MED13: variants seen among roughly 807,000 people sequenced by gnomAD.
MED13 encodes mediator complex subunit 13.
Under a neutral mutation model 225.2 loss-of-function variants are expected in MED13, and 23 were observed. The ratio of observed to expected loss-of-function variants is 0.10; its 90% CI spans 0.07 to 0.14. The LOEUF (loss-of-function observed/expected upper bound fraction) is 0.14. MED13 is among the 10% of genes least tolerant of loss of function. MED13 has a pLI of 1.00. For missense variants in MED13, 2,197 were observed against 2,594.5 expected (o/e 0.85, Z 3.33); for synonymous variants, 942 against 889.2 (o/e 1.06, Z -1.06).
At position 62,011,100 on chromosome 17, in the gene MED13, A is replaced by C. The variant is rs778557830; in HGVS notation, c.1417T>G (p.Leu473Val). 2 of 1,614,224 alleles carry C rather than the reference A, an allele frequency of 1.2e-6. No individual in the cohort carries two copies. Among genetic ancestry groups the C allele is most frequent in the Non-Finnish European group, 1.7e-6 (2 of 1,180,026 alleles). ...EKSEKPQKRP[L>V]TPFHHRVSVS... ...GACACACGATGGTGAAAAGGAGTCA[A>C]GGGGCGTTTCTGTGGCTTTTCACTC... The change falls in exon 9 of 30, where the codon TTG becomes GTG. Residue 473 changes from leucine (L) to valine (V), a missense_variant. Leu to Val is a conservative substitution (Grantham distance 32, BLOSUM62 1). Around this residue, in one of 12 missense-constraint regions of MED13, gnomAD observed 884 missense variants for 918.5 expected, o/e 0.96. Transcript: ENST00000397786.
At chr17:62,011,288 A>G (rs1459262455) in intron 8 of MED13, 55 bp from the exon 9 acceptor site, 17 of 1,460,748 alleles carry the variant, frequency 1.2e-5, no homozygotes, top group African/African-American at 2.8e-5. Flanking sequence ...ATGGCGAAGT[A>G]TAATACCAGT....
At chr17:62,013,420 A>G (rs1244028998) in intron 8 of MED13, among the ~76,000 whole-genome samples, 2 of 152,148 alleles carry the variant, frequency 1.3e-5, no homozygotes, top group Non-Finnish European at 2.9e-5. Flanking sequence ...TAACAGAATA[A>G]AAGAAAACCA....
chr17:62,033,427 T>C (rs1208118908), intron 5 of MED13, among the ~76,000 whole-genome samples: 1 of 152,248 alleles, frequency 6.6e-6, no homozygotes, highest in African/African-American at 2.4e-5. Context: ...TGACTTTGGC[T>C]TGGCCATTTA....
At position 61,943,947 on chromosome 17, in the gene MED13, A is replaced by G. The variant is rs1407998126; in HGVS notation, c.*2521T>C. The G allele has an allele frequency of 6.6e-6, 1 of 152,592 alleles. No homozygotes were observed. The highest frequency in any genetic ancestry group is 2.4e-5 in the African/African-American group (1 of 41,460). The allele number at this position is 152,592 out of a possible 1,614,324, so 9.5% of individuals were successfully genotyped here. On this transcript the variant is annotated 3_prime_UTR_variant, in exon 30 of 30. Transcript: ENST00000397786. ...CTTACCTATTTAAACAAAACTACCCATATTTGTCTGTGACAGTACATTAGT... is the reference window on the plus strand; with the variant it reads ...CTTACCTATTTAAACAAAACTACCCGTATTTGTCTGTGACAGTACATTAGT...
intron 15 of MED13, among the ~76,000 whole-genome samples, chr17:61,983,917 C>T (rs549865258): frequency 3.3e-5 from 5 of 151,946 alleles, no homozygotes; most frequent in Admixed American, 6.6e-5. Context: ...TTAGTAGAGA[C>T]GAGGTTTCGT....
At chr17:62,058,330 A>C (rs1300790198) in intron 2 of MED13, among the ~76,000 whole-genome samples, 5 of 152,104 alleles carry the variant, frequency 3.3e-5, no homozygotes, top group Admixed American at 3.3e-4. Flanking sequence ...CCTGGCCAAC[A>C]TGGCGAAACT....
At chr17:62,008,192 G>A (rs532523665) in intron 9 of MED13, among the ~76,000 whole-genome samples, 12 of 149,612 alleles carry the variant, frequency 8.0e-5, no homozygotes, top group African/African-American at 2.0e-4. Flanking sequence ...GGTGGTGGGC[G>A]CCTGTAGTCC....
chr17:61,996,362 C>G (rs1387399095), intron 9 of MED13, among the ~76,000 whole-genome samples: 2 of 152,160 alleles, frequency 1.3e-5, no homozygotes, highest in African/African-American at 4.8e-5. Flanking sequence ...CTAACAGTAG[C>G]TAGCAGCCAA....
chr17:62,005,604 T>G (rs978781852), intron 9 of MED13: 1 of 151,792 alleles, frequency 6.6e-6, no homozygotes, highest in East Asian at 1.9e-4. Flanking sequence ...AGACTCTGTC[T>G]CAAAATAAAT....
chr17:61,973,864 T>C (rs751250135), intron 16 of MED13, among the ~76,000 whole-genome samples: 3 of 151,950 alleles, frequency 2.0e-5, no homozygotes, highest in Non-Finnish European at 4.4e-5. Context: ...ATGCCTGTAA[T>C]CCCAGCTACT....
intron 14 of MED13, 34 bp from the exon 15 acceptor site, chr17:61,984,401 TATC>T (rs755988818): frequency 8.3e-6 from 12 of 1,449,650 alleles, no homozygotes; most frequent in Non-Finnish European, 1.0e-5. Context: ...TTCAGTATCT[TATC>T]TTCTAGGAGG....
chr17:61,944,531 T>G lies in MED13; in HGVS notation c.*1937A>C, dbSNP rs2079838321. ...TGCATTATAATTTTGAAGAAATGATTGACAACCTTTGTCACCAATTGTGTT... is the reference window on the plus strand; with the variant it reads ...TGCATTATAATTTTGAAGAAATGATGGACAACCTTTGTCACCAATTGTGTT... On this transcript the variant is annotated 3_prime_UTR_variant, in exon 30 of 30. Transcript: ENST00000397786. 1 of 152,208 alleles carries G rather than the reference T, an allele frequency of 6.6e-6. No individual in the cohort carries two copies. Among genetic ancestry groups the G allele is most frequent in the Admixed American group, 6.5e-5 (1 of 15,278 alleles). The allele number at this position is 152,208 out of a possible 1,614,324, so 9.4% of individuals were successfully genotyped here.
At chr17:62,056,445 A>C (rs575447001) in intron 2 of MED13, among the ~76,000 whole-genome samples, 1 of 152,304 alleles carries the variant, frequency 6.6e-6, no homozygotes, top group African/African-American at 2.4e-5. Context: ...CTAATAGAAA[A>C]AGTCTGCTTA....
At chr17:62,055,738 A>G (rs1205698660) in intron 2 of MED13, among the ~76,000 whole-genome samples, 3 of 151,822 alleles carry the variant, frequency 2.0e-5, no homozygotes, top group Non-Finnish European at 4.4e-5. Context: ...CAGGAGAATC[A>G]CTTGAACTGG....
At chr17:61,959,720 C>A in intron 23 of MED13, among the ~76,000 whole-genome samples, 1 of 147,260 alleles carries the variant, frequency 6.8e-6, no homozygotes. Flanking sequence ...ACGATAGAAC[C>A]CAAATCTTTT....
chr17:62,036,532 T>C (rs2080805278), intron 3 of MED13, among the ~76,000 whole-genome samples: 1 of 152,220 alleles, frequency 6.6e-6, no homozygotes, highest in African/African-American at 2.4e-5. Flanking sequence ...TAAGAATTCA[T>C]CCTTAAAAGT....
At chr17:62,056,092 C>G (rs2143769815) in intron 2 of MED13, among the ~76,000 whole-genome samples, 1 of 152,286 alleles carries the variant, frequency 6.6e-6, no homozygotes, top group East Asian at 1.9e-4. Flanking sequence ...AATATAATTT[C>G]ATATTTTGTT....
At chr17:61,979,631 T>G (rs1011282687) in intron 16 of MED13, among the ~76,000 whole-genome samples, 6 of 152,186 alleles carry the variant, frequency 3.9e-5, no homozygotes, top group Non-Finnish European at 7.3e-5. Context: ...TTCTATAGGA[T>G]CACTCCCAAT....
intron 2 of MED13, among the ~76,000 whole-genome samples, chr17:62,053,967 T>C (rs185151928): frequency 1.3e-5 from 2 of 152,332 alleles, no homozygotes; most frequent in Admixed American, 6.5e-5. Context: ...TCCTAAATGA[T>C]AGTCAAGTCT....
Sources: gnomAD v4.1 joint callset for allele counts (sites outside exome capture counted in the v4.1 genomes callset) on GRCh38, gnomAD v4.1.1 for gene constraint, gnomAD v4.1.1 regional missense constraint, MANE v1.5 for transcripts, NCBI Gene and HGNC (gene_info 2026-07-23, HGNC 2026-07-21) for gene names.